PCDHGA8: variants seen among roughly 807,000 people sequenced by gnomAD.
PCDHGA8 encodes protocadherin gamma subfamily A, 8.
Under a neutral mutation model 59.2 loss-of-function variants are expected in PCDHGA8, and 45 were observed. The ratio of observed to expected loss-of-function variants is 0.76; its 90% CI spans 0.60 to 0.98. PCDHGA8 has a LOEUF of 0.98. PCDHGA8 is among the 50% of genes least tolerant of loss of function. The pLI, the probability that PCDHGA8 is intolerant of heterozygous loss-of-function variation, is 0.00. For synonymous variants in PCDHGA8, 531 were observed against 519.0 expected (o/e 1.02, Z -0.32); for missense variants, 1,257 against 1,196.2 (o/e 1.05, Z -0.75).
At chr5:141,404,241 C>T (rs960579159) in intron 1 of PCDHGA8, 9 of 1,613,576 alleles carry the variant, frequency 5.6e-6, no homozygotes, top group African/African-American at 4.0e-5. Context: ...AGAGGAACTC[C>T]GCCCCTGTCC....
chr5:141,496,164 C>A (rs745320704), intron 2 of PCDHGA8, among the ~76,000 whole-genome samples: 1 of 152,084 alleles, frequency 6.6e-6, no homozygotes, highest in East Asian at 1.9e-4. Flanking sequence ...CCACCAGACA[C>A]CCTCCCATCC....
chr5:141,448,543 G>C (rs1001667281), intron 1 of PCDHGA8, among the ~76,000 whole-genome samples: 3 of 151,988 alleles, frequency 2.0e-5, no homozygotes, highest in Admixed American at 6.6e-5. Context: ...CATTTCTTAT[G>C]CAAATATGTA....
chr5:141,498,919 CG>C (rs2099786825), intron 2 of PCDHGA8, among the ~76,000 whole-genome samples: 1 of 122,240 alleles, frequency 8.2e-6, no homozygotes, highest in African/African-American at 3.1e-5. Context: ...GGTGACAGAG[CG>C]AGACTCCATC....
Position 141,431,615 on chromosome 5 carries a change from G to A in PCDHGA8, c.2424+36378G>A. 1.2e-6 allele frequency: 2 copies of A among 1,614,236 alleles called. No homozygotes were observed. Among genetic ancestry groups the A allele is most frequent in the Non-Finnish European group, 1.7e-6 (2 of 1,180,042 alleles). ...GAGGTATTCCTTCCGGTATGTGGACGACAAGGCGGCCCAAGTTTTCAAACT... is the reference window on the plus strand; with the variant it reads ...GAGGTATTCCTTCCGGTATGTGGACAACAAGGCGGCCCAAGTTTTCAAACT... On this transcript the variant is annotated intron_variant, in intron 1 of 3. Coordinates refer to ENST00000398604, the MANE Select transcript of PCDHGA8 (RefSeq NM_032088.2). The surrounding 1 kb of genome is among the most constrained non-coding windows in gnomAD (Gnocchi z 4.8).
intron 1 of PCDHGA8, among the ~76,000 whole-genome samples, chr5:141,448,581 T>A (rs570781751): frequency 2.0e-5 from 3 of 152,274 alleles, no homozygotes; most frequent in African/African-American, 7.2e-5. Context: ...CCATTTTTTT[T>A]ACAAAAAGAT....
chr5:141,431,991 A>T lies in PCDHGA8; in HGVS notation c.2424+36754A>T, dbSNP rs1046547219. On this transcript the variant is annotated intron_variant, in intron 1 of 3. Transcript: ENST00000398604. The surrounding 1 kb of genome is among the most constrained non-coding windows in gnomAD (Gnocchi z 4.8). ...AGTTTAGTCACAGACATAGTCTTGG[A>T]TAGGGAACAGGTTCCTAGCTACAAC... is the stretch of plus-strand genomic sequence containing the variant. 5 of 1,614,100 alleles carry T rather than the reference A, an allele frequency of 3.1e-6. No individual in the cohort carries two copies. Among genetic ancestry groups the T allele is most frequent in the Non-Finnish European group, 3.4e-6 (4 of 1,180,050 alleles).
chr5:141,408,839 A>T (rs1296339131), intron 1 of PCDHGA8: 24 of 1,613,642 alleles, frequency 1.5e-5, no homozygotes, highest in Non-Finnish European at 2.0e-5. Context: ...CTTGATATTG[A>T]CTGCCTTGGA....
chr5:141,485,762 G>A lies in PCDHGA8; in HGVS notation c.2425-9045G>A, dbSNP rs774145313. 3.1e-6 allele frequency: 5 copies of A among 1,614,226 alleles called. No homozygotes were observed. The highest frequency in any genetic ancestry group is 3.3e-5 in the Admixed American group (2 of 60,030). ...CAGCCTGGTCCCAGAGCTGCTCCTG[G>A]AGAAGCCTTTGGATCGAGAGAAGCA... On this transcript the variant is annotated intron_variant, in intron 1 of 3. Transcript: ENST00000398604. The surrounding 1 kb of genome is among the most constrained non-coding windows in gnomAD (Gnocchi z 5.7).
intron 1 of PCDHGA8, chr5:141,424,079 C>A: frequency 3.1e-6 from 3 of 973,190 alleles, no homozygotes; most frequent in African/African-American, 1.8e-5. Context: ...TAGTTATATT[C>A]CACCATTATT....
At chr5:141,456,687 A>G (rs1053490307) in intron 1 of PCDHGA8, among the ~76,000 whole-genome samples, 1 of 152,156 alleles carries the variant, frequency 6.6e-6, no homozygotes. Context: ...ATTACTGGCC[A>G]GGCGTGGTGG....
Position 141,487,933 on chromosome 5 carries a change from A to G in PCDHGA8, c.2425-6874A>G. ...CACAGGAGGCTACAGTGCACAGGGT[A>G]CAGTGCACCAGGCAGTCACTTGGAC... is the stretch of plus-strand genomic sequence containing the variant. On this transcript the variant is annotated intron_variant, in intron 1 of 3. Coordinates refer to ENST00000398604, the MANE Select transcript of PCDHGA8 (RefSeq NM_032088.2). This position sits in a 1 kb window ranked among gnomAD's most constrained non-coding sequence, Gnocchi z 5.0. 1 of 612,006 alleles carries G rather than the reference A, an allele frequency of 1.6e-6. No homozygotes were observed. Among genetic ancestry groups the G allele is most frequent in the South Asian group, 2.0e-5 (1 of 49,074 alleles). The allele number at this position is 612,006 out of a possible 1,614,324, so 37.9% of individuals were successfully genotyped here. A position where few individuals can be genotyped will look rare whatever the true frequency, so the allele number is the denominator to read the frequency against.
In PCDHGA8 at chr5:141,393,968, C is replaced by T. The variant is rs2092886432; in HGVS notation, c.1155C>T (p.Tyr385=). 6.2e-7 allele frequency: 1 copy of T among 1,613,770 alleles called. No homozygotes were observed. Among genetic ancestry groups the T allele is most frequent in the Non-Finnish European group, 8.5e-7 (1 of 1,179,858 alleles). ...GAAAGAATGGTCAAGTTGTCTGTTA[C>T]ACACGTGATAATTTACCTTTTAAAT... The part of the protein sequence containing the change: ...DSGKNGQVVC[Y]TRDNLPFKLE... The change falls in exon 1 of 4, where the codon TAC becomes TAT. Residue 385 remains tyrosine (Y), a synonymous_variant. Coordinates refer to ENST00000398604, the MANE Select transcript of PCDHGA8 (RefSeq NM_032088.2).
chr5:141,414,123 C>T (rs1328389134), intron 1 of PCDHGA8: 1 of 1,592,532 alleles, frequency 6.3e-7, no homozygotes. Flanking sequence ...ATGAAGAAAC[C>T]GGTTTCTATG....
chr5:141,404,195 G>A (rs1472875979), intron 1 of PCDHGA8: 1 of 1,613,400 alleles, frequency 6.2e-7, no homozygotes, highest in East Asian at 2.2e-5. Context: ...CCGAGAAAAA[G>A]CCTCAGAATA....
rs566306926 is a variant in PCDHGA8, at chr5:141,393,809, A to G, written c.996A>G (p.Lys332=). 3 of 1,613,982 alleles carry G rather than the reference A, an allele frequency of 1.9e-6. No individual in the cohort carries two copies. Among genetic ancestry groups the G allele is most frequent in the African/African-American group, 1.3e-5 (1 of 75,048 alleles). ...EDVGALLGRT[K]LLISVEDVND... ...TGGGGGCACTTCTGGGGAGGACCAAATTGCTCATTTCGGTGGAAGATGTAA... is the reference window on the plus strand; with the variant it reads ...TGGGGGCACTTCTGGGGAGGACCAAGTTGCTCATTTCGGTGGAAGATGTAA... Residue 332 remains lysine, a synonymous_variant, in exon 1 of 4, where the codon AAA becomes AAG. Coordinates refer to ENST00000398604, the MANE Select transcript of PCDHGA8 (RefSeq NM_032088.2).
intron 1 of PCDHGA8, chr5:141,478,773 T>C (rs975950601): frequency 1.3e-6 from 2 of 1,496,766 alleles, no homozygotes; most frequent in African/African-American, 2.8e-5. Context: ...GACTCATCTG[T>C]GGACCTAATT....
At chr5:141,420,301 C>CT (rs768732518) in intron 1 of PCDHGA8, 1 of 1,462,190 alleles carries the variant, frequency 6.8e-7, no homozygotes, top group African/African-American at 1.4e-5. Flanking sequence ...GTATTTAATC[C>CT]TTTTTATATT....
chr5:141,423,572 G>T (rs1239529114), intron 1 of PCDHGA8: 2 of 1,613,510 alleles, frequency 1.2e-6, no homozygotes, highest in African/African-American at 1.3e-5. Context: ...ACGCTCATCA[G>T]CCAGGAGAGC....
chr5:141,408,013 CCA>C, intron 1 of PCDHGA8: 1 of 989,288 alleles, frequency 1.0e-6, no homozygotes, highest in Non-Finnish European at 1.4e-6. Flanking sequence ...CCCTGCGCAG[CCA>C]ACAACAGAAA....
Sources: gnomAD v4.1 joint callset for allele counts (sites outside exome capture counted in the v4.1 genomes callset) on GRCh38, gnomAD v4.1.1 for gene constraint, Gnocchi (gnomAD v3.1) non-coding constraint, MANE v1.5 for transcripts, NCBI Gene and HGNC (gene_info 2026-07-23, HGNC 2026-07-21) for gene names.